Variants in LRRC9 observed in about 807,000 individuals in gnomAD.
LRRC9 encodes leucine-rich repeat-containing protein 9.
Under a neutral mutation model 63.2 loss-of-function variants are expected in LRRC9, and 122 were observed. That is an observed-to-expected ratio of 1.93 (90% CI 1.67 to 2.24). The LOEUF (loss-of-function observed/expected upper bound fraction) is 2.24, where lower values mean the gene tolerates loss of function less well. Ranked by LOEUF, LRRC9 falls within the 30% of genes most tolerant of loss-of-function variation. LRRC9 has a pLI of 0.00. For synonymous variants in LRRC9, 366 were observed against 213.1 expected (o/e 1.72, Z -6.25); for missense variants, 1,071 against 627.7 (o/e 1.71, Z -7.55).
chr14:59,955,833 C>T (rs1018206989), intron 8 of LRRC9, among the ~76,000 whole-genome samples: 11 of 152,046 alleles, frequency 7.2e-5, no homozygotes, highest in Admixed American at 1.3e-4. Context: ...GATTCTGGTA[C>T]GTTGTCTCTT....
At position 59,962,110 on chromosome 14, in the gene LRRC9, C is replaced by G. The variant is rs1884408908; in HGVS notation, c.1211+1065C>G. ...TTTCTATTAGACATGGCTTTTTTCT[C>G]ACCTCTGTGAGTAAAAGCTTCTCAA... On this transcript the variant is annotated intron_variant, in intron 10 of 31. Coordinates refer to ENST00000445360, the Ensembl canonical transcript of LRRC9. This position sits in a 1 kb window ranked among gnomAD's most constrained non-coding sequence, Gnocchi z 5.1. 6.6e-6 allele frequency among the ~76,000 whole-genome samples: 1 copy of G among 152,056 alleles called. No individual in the cohort carries two copies. Among genetic ancestry groups the G allele is most frequent in the Non-Finnish European group, 1.5e-5 (1 of 68,000 alleles).
intron 8 of LRRC9, among the ~76,000 whole-genome samples, chr14:59,947,154 C>T (rs1248439222): frequency 1.3e-5 from 2 of 151,484 alleles, no homozygotes; most frequent in South Asian, 2.1e-4. Context: ...TTCTCCACAT[C>T]CTCTCCAGCA....
At chr14:59,944,144 A>G (rs1882084336) in intron 7 of LRRC9, among the ~76,000 whole-genome samples, 1 of 151,952 alleles carries the variant, frequency 6.6e-6, no homozygotes, top group Non-Finnish European at 1.5e-5. Flanking sequence ...AAAAAAAATT[A>G]TATTCCTTAG....
chr14:59,939,973 C>T (rs527853136), intron 7 of LRRC9, among the ~76,000 whole-genome samples: 3 of 151,492 alleles, frequency 2.0e-5, no homozygotes, highest in Non-Finnish European at 3.0e-5. Context: ...GATGAGTCAC[C>T]GAGGGAATGG....
At chr14:59,956,303 T>C (rs987438866) in intron 8 of LRRC9, among the ~76,000 whole-genome samples, 1 of 152,158 alleles carries the variant, frequency 6.6e-6, no homozygotes, top group Non-Finnish European at 1.5e-5. Context: ...GATCTTATTT[T>C]ATGAATCTGG....
chr14:59,983,110 G>A (rs75422478), intron 16 of LRRC9, among the ~76,000 whole-genome samples: 3,152 of 152,238 alleles, frequency 0.021, 139 homozygotes, highest in African/African-American at 0.073. Context: ...TATAGTTTCT[G>A]ACCTAGACTA....
At chr14:60,065,143 A>G (rs1894853834), downstream of LRRC9, among the ~76,000 whole-genome samples, 1 of 152,066 alleles carries the variant, frequency 6.6e-6, no homozygotes, top group South Asian at 2.1e-4. Flanking sequence ...GCACTTTGGG[A>G]GGCCAAGGCA....
chr14:59,997,386 T>G lies in LRRC9; in HGVS notation c.2212-270T>G, dbSNP rs865928870. 3.3e-5 allele frequency among the ~76,000 whole-genome samples: 5 copies of G among 152,244 alleles called. No homozygotes were observed. The Middle Eastern group carries it at 0.014, about 414-fold the overall frequency. ...TTGGGGATAAATTATCTTGACAGTT[T>G]CTTTATGTCTTCTCTCCTATGAAAA... is the stretch of plus-strand genomic sequence containing the variant. On this transcript the variant is annotated intron_variant, in intron 17 of 31. Coordinates refer to ENST00000445360, the Ensembl canonical transcript of LRRC9.
intron 7 of LRRC9, among the ~76,000 whole-genome samples, chr14:59,944,331 G>T (rs1438721491): frequency 6.6e-6 from 1 of 151,594 alleles, no homozygotes; most frequent in Admixed American, 6.6e-5. Flanking sequence ...TCTTTTTGTT[G>T]TTATCCTGGA....
chr14:59,938,284 C>T lies in LRRC9; in HGVS notation c.544-106C>T, dbSNP rs1234807603. 1.6e-5 allele frequency: 8 copies of T among 496,196 alleles called. No homozygotes were observed. The highest frequency in any genetic ancestry group is 3.4e-5 in the South Asian group (1 of 29,480). 30.7% of individuals were successfully genotyped at this position (496,196 alleles called of 1,614,324 possible). On this transcript the variant is annotated intron_variant, in intron 6 of 31. Coordinates refer to ENST00000445360, the Ensembl canonical transcript of LRRC9. The surrounding 1 kb of genome is among the most constrained non-coding windows in gnomAD (Gnocchi z 4.2). ...TCTAAATCACTTTAATGTATTTAAGCGCATAATTAGAATGCATTAGACTAT... is the reference window on the plus strand; with the variant it reads ...TCTAAATCACTTTAATGTATTTAAGTGCATAATTAGAATGCATTAGACTAT...
intron 8 of LRRC9, among the ~76,000 whole-genome samples, chr14:59,955,041 T>C (rs1883584568): frequency 6.6e-6 from 1 of 152,230 alleles, no homozygotes; most frequent in South Asian, 2.1e-4. Flanking sequence ...TGGATTTGGT[T>C]TGCCAGTATT....
intron 18 of LRRC9, among the ~76,000 whole-genome samples, chr14:59,998,515 T>G (rs975515929): frequency 1.3e-5 from 2 of 152,092 alleles, no homozygotes; most frequent in Non-Finnish European, 2.9e-5. Context: ...CCCAAGATTA[T>G]AAAGTCAAGA....
chr14:60,005,087 T>A (rs1218053394), intron 21 of LRRC9, among the ~76,000 whole-genome samples: 1 of 152,144 alleles, frequency 6.6e-6, no homozygotes, highest in Non-Finnish European at 1.5e-5. Flanking sequence ...AAGATTTGAT[T>A]TCACAAAATT....
At chr14:60,043,284 C>A (rs219422) in intron 29 of LRRC9, among the ~76,000 whole-genome samples, 138,691 of 152,186 alleles carry the variant, frequency 0.91, 63,346 homozygotes, top group East Asian at 1. Flanking sequence ...GATGCCCTTT[C>A]TTTCTTTCTC....
chr14:59,939,227 T>G (rs966177341), intron 7 of LRRC9, among the ~76,000 whole-genome samples: 1 of 151,734 alleles, frequency 6.6e-6, no homozygotes, highest in African/African-American at 2.4e-5. Context: ...CTACCAAGGA[T>G]TAGGTAGATT....
At chr14:59,993,401 C>T (rs953253530) in intron 17 of LRRC9, among the ~76,000 whole-genome samples, 4 of 152,152 alleles carry the variant, frequency 2.6e-5, no homozygotes, top group South Asian at 2.1e-4. Context: ...GAAACTGCAT[C>T]AACTAACGAG....
chr14:59,981,359 G>A (rs1886909509), intron 15 of LRRC9, among the ~76,000 whole-genome samples: 3 of 152,192 alleles, frequency 2.0e-5, no homozygotes, highest in Admixed American at 6.5e-5. Context: ...TCTAGAGCCA[G>A]TTCTGTTTGT....
downstream of LRRC9, among the ~76,000 whole-genome samples, chr14:60,065,074 A>T (rs1894852008): frequency 6.6e-6 from 1 of 152,274 alleles, no homozygotes; most frequent in South Asian, 2.1e-4. Flanking sequence ...TATAATTCTT[A>T]AAAATTGTTA....
At chr14:60,055,499 TAAC>T (rs1344203909) in intron 30 of LRRC9, among the ~76,000 whole-genome samples, 2 of 152,198 alleles carry the variant, frequency 1.3e-5, no homozygotes, top group Non-Finnish European at 2.9e-5. Context: ...ATTGCTGCTA[TAAC>T]AAATTACCAC....
Sources: allele counts gnomAD v4.1 joint callset (sites outside exome capture counted in the v4.1 genomes callset), GRCh38; gene constraint gnomAD v4.1.1; non-coding constraint Gnocchi (gnomAD v3.1); transcripts MANE v1.5; gene names NCBI Gene and HGNC (gene_info 2026-07-23, HGNC 2026-07-21).